FAM171B: variants seen among roughly 807,000 people sequenced by gnomAD.
FAM171B encodes family with sequence similarity 171 member B.
FAM171B carries 19 observed loss-of-function variants against 75.6 expected under a neutral mutation model. That is an observed-to-expected ratio of 0.25 (90% CI 0.18 to 0.37). The LOEUF is 0.37. Ranked by LOEUF, FAM171B falls within the 10% of genes least tolerant of loss-of-function variation. FAM171B has a pLI of 1.00. For missense variants in FAM171B, 848 were observed against 982.4 expected, an observed-to-expected ratio of 0.86 and a Z score of 1.83; for synonymous variants, 367 against 361.7, an observed-to-expected ratio of 1.01 and a Z score of -0.17.
chr2:186,727,067 C>T (rs564133409), intron 1 of FAM171B, among the ~76,000 whole-genome samples: 1 of 152,174 alleles, frequency 6.6e-6, no homozygotes, highest in Non-Finnish European at 1.5e-5. Flanking sequence ...TCTTCCCTCT[C>T]TCCCCCCACC....
rs748086169 is a variant in FAM171B at position 186,751,204 on chromosome 2, A to G, written c.795A>G (p.Leu265=). 3 of 1,611,950 alleles carry G rather than the reference A, an allele frequency of 1.9e-6. No individual in the cohort carries two copies. Among genetic ancestry groups the G allele is most frequent in the Middle Eastern group, 3.3e-4 (2 of 6,054 alleles). ...AAATATATTCTGGAGGAAAAGAACT[A>G]AAGGTCAATGGCTCTATTCAAGTTT... ...CVKIYSGGKE[L]KVNGSIQVSL... is the part of the protein sequence containing the mutation. Residue 265 remains leucine (L), a synonymous_variant, in exon 5 of 8, where the codon CTA becomes CTG. Transcript: ENST00000304698.
At chr2:186,748,393 T>TTAGA (rs901187342) in intron 4 of FAM171B, among the ~76,000 whole-genome samples, 9 of 152,070 alleles carry the variant, frequency 5.9e-5, no homozygotes, top group African/African-American at 2.2e-4. Context: ...AGTATTTTGG[T>TTAGA]TAGATAGAGT....
chr2:186,736,741 C>T (rs1690208825), intron 1 of FAM171B, among the ~76,000 whole-genome samples: 1 of 117,274 alleles, frequency 8.5e-6, no homozygotes. Flanking sequence ...TTTGAAATGT[C>T]TTTGTTATGA....
At chr2:186,751,091 C>G in intron 4 of FAM171B, 43 bp from the exon 5 acceptor site, 1 of 1,461,050 alleles carries the variant, frequency 6.8e-7, no homozygotes. Flanking sequence ...GTAACTACCA[C>G]CTCTGTTTAC....
chr2:186,753,299 C>T (rs898811513), intron 5 of FAM171B, among the ~76,000 whole-genome samples: 1 of 152,168 alleles, frequency 6.6e-6, no homozygotes, highest in African/African-American at 2.4e-5. Flanking sequence ...CAGGCATGTG[C>T]TACCACGCCT....
At chr2:186,697,602 C>T (rs1689601311) in intron 1 of FAM171B, among the ~76,000 whole-genome samples, 1 of 152,004 alleles carries the variant, frequency 6.6e-6, no homozygotes, top group Non-Finnish European at 1.5e-5. Context: ...ACATATATAC[C>T]TTTAAATAGC....
intron 6 of FAM171B, among the ~76,000 whole-genome samples, chr2:186,757,169 G>A (rs1208336599): frequency 6.6e-6 from 1 of 152,078 alleles, no homozygotes; most frequent in Admixed American, 6.6e-5. Context: ...AAAGCTACAG[G>A]CTTCTAAGCA....
chr2:186,762,657 T>C lies in FAM171B; in HGVS notation c.2315T>C (p.Met772Thr). The stretch of plus-strand genomic sequence containing the variant: ...CTAGATGGAGGGAGTGGAGTGATCA[T>C]GGAGCACCCTGGAGAAGAGTCGCCA... ...HILDGGSGVI[M>T]EHPGEESPGR... is the part of the protein sequence containing the mutation. Residue 772 changes from methionine (M) to threonine (T), a missense_variant, in exon 8 of 8, where the codon ATG (methionine) becomes ACG (threonine). Physicochemically the swap from Met to Thr is moderately conservative, Grantham distance 81. Coordinates refer to ENST00000304698, the MANE Select transcript of FAM171B (RefSeq NM_177454.4). This position sits in a 1 kb window ranked among gnomAD's most constrained non-coding sequence, Gnocchi z 4.0. The C allele has an allele frequency of 6.2e-7, 1 of 1,612,584 alleles. No homozygotes were observed. The highest frequency in any genetic ancestry group is 8.5e-7 in the Non-Finnish European group (1 of 1,179,552).
At chr2:186,700,831 A>G (rs886593805) in intron 1 of FAM171B, among the ~76,000 whole-genome samples, 24 of 152,110 alleles carry the variant, frequency 1.6e-4, no homozygotes, top group African/African-American at 5.8e-4. Context: ...GCAGGAACTT[A>G]CCTCTCTTAA....
At chr2:186,708,480 T>TA (rs1689764610) in intron 1 of FAM171B, among the ~76,000 whole-genome samples, 1 of 152,020 alleles carries the variant, frequency 6.6e-6, no homozygotes, top group Non-Finnish European at 1.5e-5. Flanking sequence ...GAGACATAGA[T>TA]AAAAAGACCA....
chr2:186,756,227 G>C (rs936998840), intron 6 of FAM171B, among the ~76,000 whole-genome samples: 3 of 107,370 alleles, frequency 2.8e-5, no homozygotes, highest in African/African-American at 9.9e-5. Flanking sequence ...TGGGATTCTT[G>C]TTTAGTTTGA....
At chr2:186,745,054 T>C (rs549381837) in intron 3 of FAM171B, among the ~76,000 whole-genome samples, 1 of 152,208 alleles carries the variant, frequency 6.6e-6, no homozygotes, top group African/African-American at 2.4e-5. Flanking sequence ...GGTCTCAAAC[T>C]CCTGACCTCA....
At chr2:186,699,896 A>G (rs955387915) in intron 1 of FAM171B, among the ~76,000 whole-genome samples, 2 of 152,068 alleles carry the variant, frequency 1.3e-5, no homozygotes, top group East Asian at 1.9e-4. Flanking sequence ...CCCCTAATGT[A>G]TGTTCTTGGC....
chr2:186,710,518 A>G (rs1446671179), intron 1 of FAM171B, among the ~76,000 whole-genome samples: 1 of 152,084 alleles, frequency 6.6e-6, no homozygotes, highest in Non-Finnish European at 1.5e-5. Context: ...TTAAGTGTCC[A>G]ATGACAGTGT....
chr2:186,732,522 A>G (rs1690132740), intron 1 of FAM171B, among the ~76,000 whole-genome samples: 2 of 152,210 alleles, frequency 1.3e-5, no homozygotes, highest in Admixed American at 1.3e-4. Context: ...GTTTTAGAGC[A>G]GGCATGAAAG....
intron 1 of FAM171B, among the ~76,000 whole-genome samples, chr2:186,706,438 A>G (rs1457964217): frequency 2.6e-5 from 4 of 152,224 alleles, no homozygotes; most frequent in Non-Finnish European, 5.9e-5. Context: ...TGGAAATGCA[A>G]GAGACTATGA....
At chr2:186,754,250 C>G (rs1690498051) in intron 6 of FAM171B, among the ~76,000 whole-genome samples, 1 of 152,054 alleles carries the variant, frequency 6.6e-6, no homozygotes. Flanking sequence ...ATAGTTATAT[C>G]TGATGAATCT....
Position 186,761,644 on chromosome 2 carries a change from A to G in FAM171B, c.1302A>G (p.Ser434=). 1 of 1,612,780 alleles carries G rather than the reference A, an allele frequency of 6.2e-7. No homozygotes were observed. Among genetic ancestry groups the G allele is most frequent in the Middle Eastern group, 1.7e-4 (1 of 6,046 alleles). ...KSQLFNAKNS[S]YSPQKKEPSK... is the part of the protein sequence containing the mutation. The stretch of plus-strand genomic sequence containing the variant: ...AGTTATTCAATGCCAAAAACTCCTC[A>G]TATAGTCCTCAGAAAAAGGAACCAT... Residue 434 remains serine (S), a synonymous_variant, in exon 8 of 8, where the codon TCA becomes TCG. Coordinates refer to ENST00000304698, the MANE Select transcript of FAM171B (RefSeq NM_177454.4).
At chr2:186,738,137 T>C (rs2105785032) in intron 1 of FAM171B, among the ~76,000 whole-genome samples, 1 of 152,322 alleles carries the variant, frequency 6.6e-6, no homozygotes, top group East Asian at 1.9e-4. Context: ...AGGTCTGAGC[T>C]TCCAGAAATT....
Sources: gnomAD v4.1 joint callset for allele counts (sites outside exome capture counted in the v4.1 genomes callset) on GRCh38, gnomAD v4.1.1 for gene constraint, Gnocchi (gnomAD v3.1) non-coding constraint, MANE v1.5 for transcripts, NCBI Gene and HGNC (gene_info 2026-07-23, HGNC 2026-07-21) for gene names.